MICOS10: variants seen among roughly 807,000 people sequenced by gnomAD.
MICOS10 encodes mitochondrial contact site and cristae organizing system subunit 10, also known as MICOS complex subunit MIC10.
A neutral mutation model predicts 13.4 loss-of-function variants in MICOS10; 5 were observed. The observed-to-expected ratio is 0.37, with a 90% CI of 0.20 to 0.78. MICOS10 has a LOEUF of 0.78. Ranked by LOEUF, MICOS10 falls within the 30% of genes least tolerant of loss-of-function variation. The pLI, the probability that MICOS10 is intolerant of heterozygous loss-of-function variation, is 0.47. For missense variants in MICOS10, 101 were observed against 94.6 expected (o/e 1.07, Z -0.28); for synonymous variants, 35 against 33.6 (o/e 1.04, Z -0.15).
Position 19,597,089 on chromosome 1 carries a change from C to T in MICOS10, c.44C>T (p.Ala15Val), listed in dbSNP as rs760556895. 1.3e-5 allele frequency: 21 copies of T among 1,599,592 alleles called. No homozygotes were observed. Among genetic ancestry groups the T allele is most frequent in the Admixed American group, 1.7e-5 (1 of 57,868 alleles). ...GGCAGGAAGTGGGACCGGTGTCTGGCGGATGCGGTCGTGAAGATAGGTAAG... is the reference window on the plus strand; with the variant it reads ...GGCAGGAAGTGGGACCGGTGTCTGGTGGATGCGGTCGTGAAGATAGGTAAG... ...ELGRKWDRCL[A>V]DAVVKIGTGF... The change falls in exon 1 of 4, where the codon GCG (alanine) becomes GTG (valine). Residue 15 changes from alanine (A) to valine (V), a missense_variant. Transcript: ENST00000322753.
intron 3 of MICOS10, 182 bp downstream of exon 3, chr1:19,623,765 C>G: frequency 1.8e-6 from 1 of 549,400 alleles, no homozygotes; most frequent in Non-Finnish European, 3.2e-6. Flanking sequence ...AAAGTCTCCC[C>G]TGTGCCTTCA....
chr1:19,611,244 G>C (rs566138805), intron 1 of MICOS10, among the ~76,000 whole-genome samples: 1 of 152,086 alleles, frequency 6.6e-6, no homozygotes, highest in Non-Finnish European at 1.5e-5. Context: ...AAGCCACTGC[G>C]CCTGGTCAAA....
At position 19,596,993 on chromosome 1, in the gene MICOS10, G is replaced by A. The variant is rs1232404524; in HGVS notation, c.-53G>A. The A allele has an allele frequency of 1.9e-6, 3 of 1,544,660 alleles. No homozygotes were observed. The highest frequency in any genetic ancestry group is 2.6e-6 in the Non-Finnish European group (3 of 1,146,320). ...TTCCAGCTCTCGCGAGACTTTCAGG[G>A]GTCGGAGCGCGGGGGCCGGCCGAGA... is the stretch of plus-strand genomic sequence containing the variant. On this transcript the variant is annotated 5_prime_UTR_variant, in exon 1 of 4. Coordinates refer to ENST00000322753, the MANE Select transcript of MICOS10 (RefSeq NM_001032363.4).
rs768808146 is a variant in MICOS10 at position 19,623,626 on chromosome 1, G to T, written c.222+43G>T. 11 of 1,377,266 alleles carry T rather than the reference G, an allele frequency of 8.0e-6. No homozygotes were observed. The South Asian group carries it at 1.2e-4, about 15-fold the overall frequency. 85.3% of individuals were successfully genotyped at this position (1,377,266 alleles called of 1,614,324 possible). A position where few individuals can be genotyped will look rare whatever the true frequency, so the allele number is the denominator to read the frequency against. ...ATTTCTCTTTCCTTCAGAAGAAAAA[G>T]ATTTCTCCTGAGCCCTGAAGAATTC... On this transcript the variant is annotated intron_variant, in intron 3 of 3. Transcript: ENST00000322753.
intron 3 of MICOS10, 30 bp from the exon 4 acceptor site, chr1:19,626,357 A>G: frequency 4.3e-6 from 7 of 1,613,948 alleles, no homozygotes; most frequent in Non-Finnish European, 5.9e-6. Context: ...CCGTCTGCAC[A>G]GTTTTAAGCT....
chr1:19,605,459 G>A (rs2094831194), intron 1 of MICOS10, among the ~76,000 whole-genome samples: 1 of 151,930 alleles, frequency 6.6e-6, no homozygotes, highest in Non-Finnish European at 1.5e-5. Flanking sequence ...TTTACTTTTT[G>A]TCTCTGTGGA....
chr1:19,621,867 G>T (rs906467639), intron 1 of MICOS10, among the ~76,000 whole-genome samples: 2 of 152,036 alleles, frequency 1.3e-5, no homozygotes, highest in African/African-American at 4.8e-5. Context: ...CCCACACCCC[G>T]CAACTTGTCT....
chr1:19,614,446 TAGAC>T (rs1348763887), intron 1 of MICOS10: 1 of 151,730 alleles, frequency 6.6e-6, no homozygotes, highest in East Asian at 1.9e-4. Flanking sequence ...CTCTCTCTCT[TAGAC>T]ACACACACCA....
chr1:19,598,885 T>A (rs922611652), intron 1 of MICOS10, among the ~76,000 whole-genome samples: 1 of 152,116 alleles, frequency 6.6e-6, no homozygotes, highest in Non-Finnish European at 1.5e-5. Flanking sequence ...TAAAATTTTT[T>A]AATGTATTTT....
chr1:19,604,131 T>G (rs1378130565), intron 1 of MICOS10, among the ~76,000 whole-genome samples: 1 of 152,238 alleles, frequency 6.6e-6, no homozygotes, highest in Non-Finnish European at 1.5e-5. Flanking sequence ...ATGATAGTAC[T>G]TGCCCCAGAG....
At chr1:19,601,362 T>A (rs2094814201) in intron 1 of MICOS10, 1 of 205,548 alleles carries the variant, frequency 4.9e-6, no homozygotes, top group African/African-American at 2.3e-5. Context: ...GAGGATCACT[T>A]GAGCCCAAGA....
intron 1 of MICOS10, among the ~76,000 whole-genome samples, chr1:19,605,834 G>A (rs1336514634): frequency 6.6e-6 from 1 of 152,124 alleles, no homozygotes; most frequent in East Asian, 1.9e-4. Context: ...GATTACAGGT[G>A]CATGCCATGG....
At chr1:19,612,279 A>G (rs1466300981) in intron 1 of MICOS10, among the ~76,000 whole-genome samples, 7 of 150,024 alleles carry the variant, frequency 4.7e-5, no homozygotes, top group Non-Finnish European at 7.4e-5. Context: ...GATGGTCTCC[A>G]TCTCCTGACC....
Position 19,623,507 on chromosome 1 carries a change from T to C in MICOS10, c.146T>C (p.Met49Thr). 1 of 1,612,998 alleles carries C rather than the reference T, an allele frequency of 6.2e-7. No homozygotes were observed. The highest frequency in any genetic ancestry group is 1.1e-5 in the South Asian group (1 of 91,024). ...TGGCCATTAGCCTTCGGTTCTGGCATGGGATTAGGAATGGCTTATTCCAAC... is the reference window on the plus strand; with the variant it reads ...TGGCCATTAGCCTTCGGTTCTGGCACGGGATTAGGAATGGCTTATTCCAAC... ...RMWPLAFGSG[M>T]GLGMAYSNCQ... The change falls in exon 3 of 4, where the codon ATG becomes ACG. Residue 49 changes from methionine to threonine, a missense_variant. Transcript: ENST00000322753.
At chr1:19,613,913 C>T (rs1455222098) in intron 1 of MICOS10, among the ~76,000 whole-genome samples, 1 of 152,080 alleles carries the variant, frequency 6.6e-6, no homozygotes, top group African/African-American at 2.4e-5. Context: ...CTTTCTGTGC[C>T]TCAGTATCTC....
intron 1 of MICOS10, among the ~76,000 whole-genome samples, chr1:19,614,073 TTTA>T (rs2094874042): frequency 6.6e-6 from 1 of 152,020 alleles, no homozygotes; most frequent in Non-Finnish European, 1.5e-5. Flanking sequence ...TAAATTATAT[TTTA>T]TTTATTTATT....
chr1:19,629,231 T>G lies in MICOS10; in HGVS notation c.*2830T>G, dbSNP rs1373742692. 2 of 152,214 alleles carry G rather than the reference T, an allele frequency of 1.3e-5. No individual in the cohort carries two copies. Among genetic ancestry groups the G allele is most frequent in the East Asian group, 1.9e-4 (1 of 5,204 alleles). The allele number at this position is 152,214 out of a possible 1,614,324, so 9.4% of individuals were successfully genotyped here. ...CCCTTGTGGGCTTGTGCAACTGACTTTGTTTCTTGTCTGCCTTTCTGGAAC... is the reference window on the plus strand; with the variant it reads ...CCCTTGTGGGCTTGTGCAACTGACTGTGTTTCTTGTCTGCCTTTCTGGAAC... On this transcript the variant is annotated 3_prime_UTR_variant, in exon 4 of 4. Coordinates refer to ENST00000322753, the MANE Select transcript of MICOS10 (RefSeq NM_001032363.4).
At chr1:19,602,503 T>C (rs1327048599) in intron 1 of MICOS10, among the ~76,000 whole-genome samples, 1 of 152,240 alleles carries the variant, frequency 6.6e-6, no homozygotes, top group Non-Finnish European at 1.5e-5. Context: ...AGCACTTTTG[T>C]ATTTAAACAA....
intron 1 of MICOS10, among the ~76,000 whole-genome samples, chr1:19,597,651 T>TG (rs2094797791): frequency 6.6e-6 from 1 of 152,198 alleles, no homozygotes; most frequent in Admixed American, 6.5e-5. Flanking sequence ...AGAGGGGTGA[T>TG]GATCTGGAAT....
Sources: gnomAD v4.1 joint callset for allele counts (sites outside exome capture counted in the v4.1 genomes callset) on GRCh38, gnomAD v4.1.1 for gene constraint, MANE v1.5 for transcripts, NCBI Gene and HGNC (gene_info 2026-07-23, HGNC 2026-07-21) for gene names.